Variants in ZSWIM6 observed in about 807,000 individuals in gnomAD.
The protein encoded by ZSWIM6 is zinc finger SWIM-type containing 6.
A neutral mutation model predicts 113.2 loss-of-function variants in ZSWIM6; 9 were observed. That is an observed-to-expected ratio of 0.08 (90% CI 0.05 to 0.14). The LOEUF is 0.14. ZSWIM6 is among the 10% of genes least tolerant of loss of function. ZSWIM6 has a pLI of 1.00. For synonymous variants in ZSWIM6, 611 were observed against 606.5 expected (o/e 1.01, Z -0.11); for missense variants, 1,162 against 1,552.2 (o/e 0.75, Z 4.22).
chr5:61,513,729 AC>A (rs1040709907), intron 4 of ZSWIM6, among the ~76,000 whole-genome samples: 6 of 152,060 alleles, frequency 3.9e-5, no homozygotes, highest in Admixed American at 3.9e-4. Context: ...GAAAAAACTT[AC>A]CTTTTCTCCA....
intron 4 of ZSWIM6, among the ~76,000 whole-genome samples, chr5:61,497,185 G>A (rs535974742): frequency 2.6e-5 from 4 of 151,722 alleles, no homozygotes; most frequent in South Asian, 2.1e-4. Context: ...TGCTAGCCAA[G>A]TAACTCTGCT....
chr5:61,531,062 C>T (rs958906385), intron 8 of ZSWIM6, among the ~76,000 whole-genome samples: 2 of 152,090 alleles, frequency 1.3e-5, no homozygotes, highest in African/African-American at 4.8e-5. Flanking sequence ...ATGTTATGTT[C>T]CCTACTGTTT....
chr5:61,451,996 C>A (rs1479165044), intron 1 of ZSWIM6, among the ~76,000 whole-genome samples: 3 of 152,064 alleles, frequency 2.0e-5, no homozygotes, highest in Non-Finnish European at 4.4e-5. Flanking sequence ...ACACTTAGTA[C>A]CCGCTACTCA....
chr5:61,469,321 T>A (rs1267924204), intron 1 of ZSWIM6, among the ~76,000 whole-genome samples: 1 of 152,188 alleles, frequency 6.6e-6, no homozygotes, highest in Non-Finnish European at 1.5e-5. Context: ...ATGGTTGAAA[T>A]TTTTTGGGCA....
chr5:61,364,482 T>G (rs1368076970), intron 1 of ZSWIM6, among the ~76,000 whole-genome samples: 1 of 152,224 alleles, frequency 6.6e-6, no homozygotes, highest in Non-Finnish European at 1.5e-5. Flanking sequence ...ATGTGAAAAT[T>G]ATATGAAATT....
intron 4 of ZSWIM6, among the ~76,000 whole-genome samples, chr5:61,496,261 C>T (rs140137754): frequency 6.6e-6 from 1 of 152,108 alleles, no homozygotes; most frequent in African/African-American, 2.4e-5. Flanking sequence ...CCACCCACTG[C>T]CCAATCATTA....
chr5:61,505,605 T>A (rs187860186), intron 4 of ZSWIM6, among the ~76,000 whole-genome samples: 8 of 25,088 alleles, frequency 3.2e-4, no homozygotes, highest in Non-Finnish European at 5.9e-4. Context: ...TGATTTACCT[T>A]CCTTCCTTCC....
At chr5:61,333,316 G>A (rs150506902) in intron 1 of ZSWIM6, among the ~76,000 whole-genome samples, 2 of 151,382 alleles carry the variant, frequency 1.3e-5, no homozygotes, top group South Asian at 4.1e-4. Context: ...GCCGGCCTCC[G>A]GCGAGGGTGT....
intron 1 of ZSWIM6, among the ~76,000 whole-genome samples, chr5:61,427,159 A>C (rs1746479027): frequency 6.6e-6 from 1 of 152,176 alleles, no homozygotes; most frequent in African/African-American, 2.4e-5. Flanking sequence ...AATAGCCTAC[A>C]TTTTAAAGTT....
intron 5 of ZSWIM6, among the ~76,000 whole-genome samples, chr5:61,525,100 C>T (rs752936773): frequency 5.3e-5 from 8 of 152,206 alleles, no homozygotes; most frequent in Non-Finnish European, 8.8e-5. Flanking sequence ...GACATCACAC[C>T]AGTCATGGAA....
At chr5:61,474,542 A>G (rs1217278690) in intron 2 of ZSWIM6, among the ~76,000 whole-genome samples, 1 of 152,212 alleles carries the variant, frequency 6.6e-6, no homozygotes, top group Non-Finnish European at 1.5e-5. Flanking sequence ...TATTCAAGAA[A>G]AATGTTGTTA....
intron 1 of ZSWIM6, among the ~76,000 whole-genome samples, chr5:61,344,530 T>C (rs1325646880): frequency 1.3e-5 from 2 of 152,212 alleles, no homozygotes; most frequent in African/African-American, 2.4e-5. Context: ...CTTTCCTTTC[T>C]TGGGGATGGG....
chr5:61,467,589 T>G (rs1193566752), intron 1 of ZSWIM6, among the ~76,000 whole-genome samples: 3 of 152,242 alleles, frequency 2.0e-5, no homozygotes. Flanking sequence ...TAGGGACCTC[T>G]TAGGGGTCCC....
chr5:61,515,412 G>C (rs1748906233), intron 4 of ZSWIM6, among the ~76,000 whole-genome samples: 1 of 152,158 alleles, frequency 6.6e-6, no homozygotes. Flanking sequence ...TGGGATTACA[G>C]GCGTGAGCCA....
intron 1 of ZSWIM6, among the ~76,000 whole-genome samples, chr5:61,460,573 A>G (rs1454947241): frequency 1.3e-5 from 2 of 152,146 alleles, no homozygotes; most frequent in Admixed American, 1.3e-4. Context: ...ATTGTATTAG[A>G]TATTATCTCT....
In ZSWIM6 at chr5:61,526,326, A is replaced by G. The variant is rs1488434564; in HGVS notation, c.1767A>G (p.Ala589=). The change falls in exon 7 of 14, where the codon GCA becomes GCG. Residue 589 remains alanine (A), a synonymous_variant. Coordinates refer to ENST00000252744, the MANE Select transcript of ZSWIM6 (RefSeq NM_020928.2). ...ACCCCAGAGAAGCACTGAGACTAGCAATAGCTATTGTTAATACATTAAGAC... is the reference window on the plus strand; with the variant it reads ...ACCCCAGAGAAGCACTGAGACTAGCGATAGCTATTGTTAATACATTAAGAC... ...HGYPREALRL[A]IAIVNTLRRQ... 13 of 1,552,100 alleles carry G rather than the reference A, an allele frequency of 8.4e-6. No individual in the cohort carries two copies. The highest frequency in any genetic ancestry group is 1.0e-5 in the Non-Finnish European group (12 of 1,147,084).
chr5:61,341,873 CT>C (rs35227918), intron 1 of ZSWIM6, among the ~76,000 whole-genome samples: 9,159 of 95,070 alleles, frequency 0.096, 88 homozygotes, highest in Middle Eastern at 0.12. Flanking sequence ...TCTCTGTAAC[CT>C]TTTTTTTTTT....
chr5:61,537,559 TA>T (rs11416812), intron 10 of ZSWIM6, among the ~76,000 whole-genome samples: 7,014 of 147,558 alleles, frequency 0.048, 531 homozygotes, highest in African/African-American at 0.16. Context: ...TATTCTGAGT[TA>T]AAAAAAAAAA....
chr5:61,529,411 C>A (rs1485844864), intron 7 of ZSWIM6, among the ~76,000 whole-genome samples: 3 of 152,324 alleles, frequency 2.0e-5, no homozygotes, highest in East Asian at 3.9e-4. Context: ...CGTCTATTAT[C>A]ATTCCCCTTT....
Sources: gnomAD v4.1 joint callset for allele counts (sites outside exome capture counted in the v4.1 genomes callset) on GRCh38, gnomAD v4.1.1 for gene constraint, MANE v1.5 for transcripts, NCBI Gene and HGNC (gene_info 2026-07-23, HGNC 2026-07-21) for gene names.